Variants in PEPD observed in about 807,000 individuals in gnomAD.
PEPD encodes xaa-Pro dipeptidase.
In PEPD, 53 loss-of-function variants were observed where a neutral mutation model predicts 60.7. That is an observed-to-expected ratio of 0.87 (90% CI 0.70 to 1.10). The LOEUF (loss-of-function observed/expected upper bound fraction) is 1.10, where lower values mean the gene tolerates loss of function less well. PEPD is among the 50% of genes least tolerant of loss of function. The probability of loss-of-function intolerance (pLI) is 0.00; values close to 1 mark genes in which losing one functional copy is unlikely to be tolerated. For synonymous variants in PEPD, 267 were observed against 284.1 expected (o/e 0.94, Z 0.60); for missense variants, 711 against 711.9 (o/e 1.00, Z 0.01).
At chr19:33,394,918 C>T (rs1340436746) in intron 12 of PEPD, among the ~76,000 whole-genome samples, 1 of 152,214 alleles carries the variant, frequency 6.6e-6, no homozygotes, top group Non-Finnish European at 1.5e-5. Context: ...GTCTGCCTGG[C>T]TCCCTCCTCC....
intron 7 of PEPD, among the ~76,000 whole-genome samples, chr19:33,468,537 G>A (rs1349264857): frequency 1.3e-5 from 2 of 152,208 alleles, no homozygotes; most frequent in Non-Finnish European, 2.9e-5. Context: ...GAATGCGAGG[G>A]GCCTGGTGGC....
intron 9 of PEPD, among the ~76,000 whole-genome samples, chr19:33,432,585 C>T (rs889745946): frequency 2.0e-5 from 3 of 152,262 alleles, no homozygotes; most frequent in Non-Finnish European, 4.4e-5. Flanking sequence ...ATAGCTCTCT[C>T]CCCTGGGAGC....
chr19:33,463,400 T>C (rs1969965457), intron 8 of PEPD, among the ~76,000 whole-genome samples: 1 of 152,212 alleles, frequency 6.6e-6, no homozygotes, highest in African/African-American at 2.4e-5. Flanking sequence ...CCTCCTTTGT[T>C]TAACTTTCAT....
At chr19:33,452,251 G>T (rs191845565) in intron 9 of PEPD, among the ~76,000 whole-genome samples, 3 of 152,134 alleles carry the variant, frequency 2.0e-5, no homozygotes, top group Admixed American at 1.3e-4. Flanking sequence ...AATACACTAG[G>T]TTAGTTCTTA....
chr19:33,453,398 T>A (rs1969735320), intron 9 of PEPD, among the ~76,000 whole-genome samples: 1 of 152,212 alleles, frequency 6.6e-6, no homozygotes, highest in African/African-American at 2.4e-5. Flanking sequence ...CTGCTCCATG[T>A]GTTATGCATA....
intron 6 of PEPD, among the ~76,000 whole-genome samples, chr19:33,484,688 A>C (rs975059991): frequency 6.6e-6 from 1 of 151,584 alleles, no homozygotes; most frequent in Non-Finnish European, 1.5e-5. Context: ...CTTAAGACAC[A>C]CAAAAAGATC....
chr19:33,388,327 C>T, intron 13 of PEPD: 1 of 663,286 alleles, frequency 1.5e-6, no homozygotes, highest in Non-Finnish European at 2.8e-6. Flanking sequence ...TTGAGAAGCC[C>T]TGTGGCCACC....
intron 6 of PEPD, among the ~76,000 whole-genome samples, chr19:33,488,596 G>C (rs1406518936): frequency 6.6e-6 from 1 of 152,176 alleles, no homozygotes; most frequent in African/African-American, 2.4e-5. Context: ...TGGGCTAATT[G>C]CTGCCAGGCG....
In PEPD at chr19:33,401,885, G is replaced by A; in HGVS notation, c.819-16C>T. 6.2e-7 allele frequency: 1 copy of A among 1,612,350 alleles called. No homozygotes were observed. The highest frequency in any genetic ancestry group is 8.5e-7 in the Non-Finnish European group (1 of 1,179,616). ...GTCGAACAGGCTGCGGAGAGAGGAA[G>A]GCAGGGCAAGTGGGTACTGGGGTGC... On this transcript the variant is annotated splice_polypyrimidine_tract_variant and intron_variant, in intron 11 of 14. Transcript: ENST00000244137.
intron 9 of PEPD, among the ~76,000 whole-genome samples, chr19:33,461,944 G>A (rs1307414443): frequency 6.6e-6 from 1 of 152,216 alleles, no homozygotes; most frequent in Non-Finnish European, 1.5e-5. Flanking sequence ...GGGGTAAGGA[G>A]AGAAGCACAG....
chr19:33,482,847 T>A (rs971665070), intron 6 of PEPD, among the ~76,000 whole-genome samples: 8 of 151,710 alleles, frequency 5.3e-5, no homozygotes, highest in Non-Finnish European at 1.2e-4. Context: ...AAAGTAGTAG[T>A]GACAGAATAA....
At chr19:33,462,710 A>G (rs994170484) in intron 9 of PEPD, among the ~76,000 whole-genome samples, 2 of 152,256 alleles carry the variant, frequency 1.3e-5, no homozygotes, top group African/African-American at 2.4e-5. Flanking sequence ...GCAATTTGGT[A>G]AAGTTTCCTG....
At chr19:33,411,625 T>C in intron 11 of PEPD, 47 bp downstream of exon 11, 1 of 1,076,162 alleles carries the variant, frequency 9.3e-7, no homozygotes, top group Non-Finnish European at 1.4e-6. Context: ...AGTCCAACCT[T>C]GGCCTGGCTG....
At chr19:33,435,953 G>C (rs193030871) in intron 9 of PEPD, among the ~76,000 whole-genome samples, 1 of 152,316 alleles carries the variant, frequency 6.6e-6, no homozygotes, top group Non-Finnish European at 1.5e-5. Context: ...AAGAAGCGGT[G>C]AGCAGGGAAG....
At chr19:33,480,777 C>T (rs1304223969) in intron 6 of PEPD, among the ~76,000 whole-genome samples, 2 of 151,722 alleles carry the variant, frequency 1.3e-5, no homozygotes, top group African/African-American at 4.8e-5. Context: ...CCTGGCGACA[C>T]AGCAAGACTC....
At chr19:33,454,933 C>T (rs1393099150) in intron 9 of PEPD, among the ~76,000 whole-genome samples, 1 of 152,152 alleles carries the variant, frequency 6.6e-6, no homozygotes, top group Admixed American at 6.6e-5. Context: ...ACTCCTGTCT[C>T]GCTGAAAGAA....
intron 9 of PEPD, among the ~76,000 whole-genome samples, chr19:33,430,740 C>T (rs999026819): frequency 6.6e-6 from 1 of 152,162 alleles, no homozygotes; most frequent in African/African-American, 2.4e-5. Flanking sequence ...CCCAGCCTCG[C>T]CCCACTGGCC....
rs181767501 is a variant in PEPD at position 33,433,894 on chromosome 19, G to C, written c.672-20251C>G. On this transcript the variant is annotated intron_variant, in intron 9 of 14. Transcript: ENST00000244137. ...GCAGGAGCAATGCTTGGCCATTTTG[G>C]TGTGTGTGTGCAAGCCTATTTATCA... is the stretch of plus-strand genomic sequence containing the variant. Among the ~76,000 whole-genome samples, 507 of 152,284 alleles carry C rather than the reference G, an allele frequency of 3.3e-3. 3 individuals are homozygous for C. The highest frequency in any genetic ancestry group is 5.5e-3 in the Non-Finnish European group (373 of 68,020).
intron 6 of PEPD, among the ~76,000 whole-genome samples, chr19:33,489,622 C>G (rs1970459171): frequency 1.3e-5 from 2 of 151,668 alleles, no homozygotes; most frequent in South Asian, 4.2e-4. Flanking sequence ...GAGCAAGACT[C>G]CATCTCAAAA....
Sources: allele counts gnomAD v4.1 joint callset (sites outside exome capture counted in the v4.1 genomes callset), GRCh38; gene constraint gnomAD v4.1.1; transcripts MANE v1.5; gene names NCBI Gene and HGNC (gene_info 2026-07-23, HGNC 2026-07-21).